SYT10: variants seen among roughly 807,000 people sequenced by gnomAD.
SYT10 encodes the protein synaptotagmin-10.
In SYT10, 31 loss-of-function variants were observed where a neutral mutation model predicts 51.1. The ratio of observed to expected loss-of-function variants is 0.61; its 90% CI spans 0.46 to 0.82. The LOEUF is 0.82. Ranked by LOEUF, SYT10 falls within the 40% of genes least tolerant of loss-of-function variation. The probability of loss-of-function intolerance (pLI) is 0.00; values close to 1 mark genes in which losing one functional copy is unlikely to be tolerated. For synonymous variants in SYT10, 233 were observed against 225.9 expected, an observed-to-expected ratio of 1.03 and a Z score of -0.28; for missense variants, 603 against 634.0, an observed-to-expected ratio of 0.95 and a Z score of 0.53.
At chr12:33,418,246 C>T (rs1866471982) in intron 2 of SYT10, among the ~76,000 whole-genome samples, 1 of 152,148 alleles carries the variant, frequency 6.6e-6, no homozygotes, top group Non-Finnish European at 1.5e-5. Context: ...TTACTCTCCT[C>T]ACTTGGCTTC....
chr12:33,403,116 A>G (rs1420578231), intron 3 of SYT10, among the ~76,000 whole-genome samples: 2 of 152,126 alleles, frequency 1.3e-5, no homozygotes, highest in African/African-American at 4.8e-5. Context: ...CTCTTTAAAA[A>G]TCTCATAAAT....
intron 1 of SYT10, among the ~76,000 whole-genome samples, chr12:33,434,122 A>G (rs1202237729): frequency 1.3e-5 from 2 of 152,214 alleles, no homozygotes; most frequent in Non-Finnish European, 2.9e-5. Flanking sequence ...ACATGAATAT[A>G]TTGAACAGAG....
intron 1 of SYT10, among the ~76,000 whole-genome samples, chr12:33,428,958 A>G (rs1278766947): frequency 6.6e-6 from 1 of 151,718 alleles, no homozygotes; most frequent in Non-Finnish European, 1.5e-5. Flanking sequence ...CTGTGAGAGT[A>G]GATAATTCCT....
chr12:33,390,029 T>C (rs1866190012), intron 3 of SYT10, among the ~76,000 whole-genome samples: 1 of 152,226 alleles, frequency 6.6e-6, no homozygotes, highest in African/African-American at 2.4e-5. Flanking sequence ...AGCTAATTTA[T>C]TTTCCAGCTC....
chr12:33,404,299 G>A (rs1451909754), intron 3 of SYT10, among the ~76,000 whole-genome samples: 2 of 152,168 alleles, frequency 1.3e-5, no homozygotes, highest in Non-Finnish European at 2.9e-5. Flanking sequence ...CCAAGAAAAT[G>A]GGTCTCCCCA....
At chr12:33,404,399 A>T (rs188910120) in intron 3 of SYT10, among the ~76,000 whole-genome samples, 12 of 150,820 alleles carry the variant, frequency 8.0e-5, no homozygotes, top group South Asian at 2.1e-4. Flanking sequence ...TTTTATTTTT[A>T]TTTTTTTTTG....
intron 2 of SYT10, among the ~76,000 whole-genome samples, chr12:33,408,473 G>GT (rs1277649648): frequency 5.9e-5 from 9 of 152,182 alleles, no homozygotes; most frequent in African/African-American, 2.2e-4. Context: ...TCTTCTACAT[G>GT]TGACTTGCAT....
intron 2 of SYT10, among the ~76,000 whole-genome samples, chr12:33,420,568 C>T (rs140655625): frequency 3.4e-3 from 510 of 152,168 alleles, no homozygotes; most frequent in Admixed American, 7.5e-3. Flanking sequence ...AGGAGGATTG[C>T]TTGAACCTAG....
intron 2 of SYT10, among the ~76,000 whole-genome samples, chr12:33,425,725 C>T (rs373355906): frequency 1.4e-4 from 22 of 151,900 alleles, no homozygotes; most frequent in Admixed American, 5.3e-4. Context: ...TGTAGAGCCT[C>T]CACGATATGC....
At chr12:33,435,991 C>T (rs1449759074) in intron 1 of SYT10, among the ~76,000 whole-genome samples, 3 of 152,066 alleles carry the variant, frequency 2.0e-5, no homozygotes, top group African/African-American at 7.2e-5. Flanking sequence ...AAAATTAGAA[C>T]ATTGATGAAT....
At chr12:33,380,027 G>T (rs954917605) in intron 5 of SYT10, 66 bp from the exon 6 acceptor site, 5 of 1,502,030 alleles carry the variant, frequency 3.3e-6, no homozygotes, top group African/African-American at 1.4e-5. Context: ...TTCACAAATC[G>T]TAGTAGAATT....
intron 2 of SYT10, chr12:33,408,049 G>A (rs1866374883): frequency 6.6e-6 from 1 of 152,042 alleles, no homozygotes; most frequent in South Asian, 2.1e-4. Flanking sequence ...CAGTCATCTG[G>A]GTCTATCTAG....
chr12:33,394,951 G>A (rs540996410), intron 3 of SYT10, among the ~76,000 whole-genome samples: 1 of 152,284 alleles, frequency 6.6e-6, no homozygotes, highest in Non-Finnish European at 1.5e-5. Flanking sequence ...AGCCGGGCGT[G>A]GTGGTGGGTG....
chr12:33,397,216 A>T (rs1866264048), intron 3 of SYT10, among the ~76,000 whole-genome samples: 1 of 152,152 alleles, frequency 6.6e-6, no homozygotes, highest in Admixed American at 6.5e-5. Flanking sequence ...CAGGAAACAG[A>T]TGGCACACAC....
intron 3 of SYT10, among the ~76,000 whole-genome samples, chr12:33,404,617 T>A (rs556059671): frequency 6.6e-6 from 1 of 152,232 alleles, no homozygotes; most frequent in Admixed American, 6.5e-5. Flanking sequence ...GGTCTTGAAC[T>A]CTTGACCTCG....
chr12:33,421,732 A>T (rs567414844), intron 2 of SYT10, among the ~76,000 whole-genome samples: 2 of 152,300 alleles, frequency 1.3e-5, no homozygotes, highest in African/African-American at 4.8e-5. Context: ...GCTCAATATT[A>T]AGATAGAAAA....
At chr12:33,378,331 G>T (rs1866083278) in intron 6 of SYT10, among the ~76,000 whole-genome samples, 2 of 152,280 alleles carry the variant, frequency 1.3e-5, no homozygotes, top group South Asian at 4.1e-4. Context: ...AAGTAAAGCT[G>T]CTTACTAAGC....
intron 4 of SYT10, 77 bp from the exon 5 acceptor site, chr12:33,382,597 TA>T (rs1866125640): frequency 7.4e-7 from 1 of 1,357,140 alleles, no homozygotes. Flanking sequence ...TTATTTTTAC[TA>T]AATAAGACCT....
At chr12:33,421,256 A>G (rs1281630628) in intron 2 of SYT10, among the ~76,000 whole-genome samples, 1 of 152,204 alleles carries the variant, frequency 6.6e-6, no homozygotes, top group Non-Finnish European at 1.5e-5. Flanking sequence ...TCATCAGCAC[A>G]TATAAGTCAG....
Sources: allele counts gnomAD v4.1 joint callset (sites outside exome capture counted in the v4.1 genomes callset), GRCh38; gene constraint gnomAD v4.1.1; transcripts MANE v1.5; gene names NCBI Gene and HGNC (gene_info 2026-07-23, HGNC 2026-07-21).